Variants in RALGAPA2 observed in about 807,000 individuals in gnomAD.
RALGAPA2 encodes the protein ral GTPase-activating protein subunit alpha-2.
A neutral mutation model predicts 230.4 loss-of-function variants in RALGAPA2; 139 were observed. That is an observed-to-expected ratio of 0.60 (90% confidence interval 0.53 to 0.69). The LOEUF (loss-of-function observed/expected upper bound fraction) is 0.69. Among genes scored for constraint, RALGAPA2 ranks in the 30% least tolerant of loss-of-function variants. The probability of loss-of-function intolerance (pLI) is 0.00; values close to 1 mark genes in which losing one functional copy is unlikely to be tolerated. For synonymous variants in RALGAPA2, 847 were observed against 837.8 expected, an observed-to-expected ratio of 1.01 and a Z score of -0.19; for missense variants, 2,163 against 2,276.0, an observed-to-expected ratio of 0.95 and a Z score of 1.01.
Position 20,573,027 on chromosome 20 carries a change from C to CCG in RALGAPA2, c.2748_2749insCG (p.Gly917ArgfsTer27). 1 of 1,610,282 alleles carries CCG rather than the reference C, an allele frequency of 6.2e-7. No individual in the cohort carries two copies. The highest frequency in any genetic ancestry group is 8.5e-7 in the Non-Finnish European group (1 of 1,178,302). On this transcript the variant is annotated frameshift_variant, in exon 21 of 40. Coordinates refer to ENST00000202677, the MANE Select transcript of RALGAPA2 (RefSeq NM_020343.4). LOFTEE classifies it high-confidence loss of function. ...GGGTGCCAACCAGTGAGGCTCCCCC[C>CCG]GGCGATTATACTACAGTCATCTGTG...
At chr20:20,582,006 T>G (rs1025123011) in intron 20 of RALGAPA2, among the ~76,000 whole-genome samples, 9 of 152,112 alleles carry the variant, frequency 5.9e-5, no homozygotes, top group Admixed American at 2.0e-4. Context: ...GGTCAGCCTT[T>G]CCCGCACTGA....
rs890769313 is a variant in RALGAPA2 at position 20,391,870 on chromosome 20, G to C, written c.*1419C>G. ...TCATAAGCCCTGAGTTAGGGGCTGC[G>C]TCTCTCGTGCTGCTGTCCCTTCCCA... On this transcript the variant is annotated 3_prime_UTR_variant, in exon 40 of 40. Transcript: ENST00000202677. The C allele has an allele frequency of 6.6e-6, 1 of 152,594 alleles. No individual in the cohort carries two copies. The highest frequency in any genetic ancestry group is 2.4e-5 in the African/African-American group (1 of 41,480). The allele number at this position is 152,594 out of a possible 1,614,324, so 9.5% of individuals were successfully genotyped here.
intron 4 of RALGAPA2, among the ~76,000 whole-genome samples, chr20:20,649,650 T>C (rs1228908830): frequency 6.6e-6 from 1 of 152,150 alleles, no homozygotes; most frequent in East Asian, 1.9e-4. Flanking sequence ...TAATACAAAA[T>C]ATATCCTTCT....
At chr20:20,412,450 T>C (rs894575294) in intron 37 of RALGAPA2, among the ~76,000 whole-genome samples, 6 of 152,226 alleles carry the variant, frequency 3.9e-5, no homozygotes, top group Non-Finnish European at 7.3e-5. Flanking sequence ...AAACAGGAGA[T>C]ACTGATTGCA....
chr20:20,681,046 G>A (rs1343889789), intron 1 of RALGAPA2, among the ~76,000 whole-genome samples: 1 of 152,226 alleles, frequency 6.6e-6, no homozygotes, highest in Non-Finnish European at 1.5e-5. Context: ...GGTCGGAGCT[G>A]ACAGGAGCCA....
chr20:20,624,935 C>T (rs2066444794), intron 10 of RALGAPA2, among the ~76,000 whole-genome samples: 2 of 152,114 alleles, frequency 1.3e-5, no homozygotes, highest in Non-Finnish European at 2.9e-5. Flanking sequence ...CCGTCAGTCC[C>T]CATCCCCACC....
chr20:20,407,493 G>A (rs539868375), intron 38 of RALGAPA2, among the ~76,000 whole-genome samples: 23 of 152,310 alleles, frequency 1.5e-4, no homozygotes, highest in African/African-American at 5.3e-4. Context: ...CATATGGCGC[G>A]GAGGCCTTAG....
intron 18 of RALGAPA2, 96 bp downstream of exon 18, chr20:20,589,172 T>C: frequency 1.4e-6 from 2 of 1,399,978 alleles, no homozygotes; most frequent in Non-Finnish European, 1.9e-6. Flanking sequence ...TGGAAAAAAA[T>C]ATTTTAATTA....
intron 26 of RALGAPA2, 139 bp downstream of exon 26, chr20:20,535,606 G>C: frequency 8.0e-7 from 1 of 1,257,198 alleles, no homozygotes; most frequent in East Asian, 2.9e-5. Flanking sequence ...GCATCTTCCT[G>C]GCATCATTCT....
intron 37 of RALGAPA2, among the ~76,000 whole-genome samples, chr20:20,450,631 C>T (rs564759130): frequency 6.6e-6 from 1 of 152,250 alleles, no homozygotes; most frequent in Non-Finnish European, 1.5e-5. Context: ...CAGGCCAAGA[C>T]CCAGCTTCCT....
Position 20,673,979 on chromosome 20 carries a change from G to A in RALGAPA2, c.270+2257C>T, listed in dbSNP as rs529502138. On this transcript the variant is annotated intron_variant, in intron 3 of 39. Transcript: ENST00000202677. ...AAGGCAGGAAGATCACTTGAGCCCT[G>A]GAGTTTGAGACCAGCCTAGACAACA... 2.6e-5 allele frequency among the ~76,000 whole-genome samples: 4 copies of A among 152,154 alleles called. No homozygotes were observed. The East Asian group carries it at 7.7e-4, about 29-fold the overall frequency.
intron 26 of RALGAPA2, among the ~76,000 whole-genome samples, chr20:20,534,666 C>T (rs925732802): frequency 4.6e-5 from 7 of 152,042 alleles, no homozygotes; most frequent in African/African-American, 1.7e-4. Context: ...GGTAGTTTTA[C>T]CATCAAGGTC....
chr20:20,627,369 C>T (rs2066520731), intron 10 of RALGAPA2, among the ~76,000 whole-genome samples: 1 of 152,168 alleles, frequency 6.6e-6, no homozygotes, highest in South Asian at 2.1e-4. Flanking sequence ...AAAAAATCAG[C>T]CCGGCTTTGG....
chr20:20,466,570 T>A (rs6082009), intron 37 of RALGAPA2, among the ~76,000 whole-genome samples: 3,587 of 152,276 alleles, frequency 0.024, 52 homozygotes, highest in African/African-American at 0.033. Flanking sequence ...TGGCTCTGGG[T>A]TGGTCGAGGT....
intron 6 of RALGAPA2, among the ~76,000 whole-genome samples, chr20:20,640,476 C>T (rs2066995093): frequency 6.6e-6 from 1 of 152,184 alleles, no homozygotes; most frequent in Non-Finnish European, 1.5e-5. Flanking sequence ...CCCTCCTATT[C>T]CTGCTTCCAT....
chr20:20,639,808 G>C lies in RALGAPA2; in HGVS notation c.643C>G (p.Leu215Val). The change falls in exon 7 of 40, where the codon CTG (leucine) becomes GTG (valine). Residue 215 changes from leucine (L) to valine (V), a missense_variant. Transcript: ENST00000202677. Reference sequence around the variant, plus strand: ...ACCTGAATAACCATATACTTCAACAGTATTTGAAGAAAAAAGCAGGTTTGG... The same window carrying C: ...ACCTGAATAACCATATACTTCAACACTATTTGAAGAAAAAAGCAGGTTTGG... ...EDQTCFFLQI[L>V]LKYMVIQAAS... is the part of the protein sequence containing the mutation. 1 of 1,609,712 alleles carries C rather than the reference G, an allele frequency of 6.2e-7. No individual in the cohort carries two copies. Among genetic ancestry groups the C allele is most frequent in the Non-Finnish European group, 8.5e-7 (1 of 1,176,034 alleles).
chr20:20,618,250 A>T (rs1440152037), intron 12 of RALGAPA2, among the ~76,000 whole-genome samples: 1 of 152,206 alleles, frequency 6.6e-6, no homozygotes, highest in Non-Finnish European at 1.5e-5. Flanking sequence ...GTTGCTGGAG[A>T]TCCCCTTAGC....
chr20:20,450,791 T>C (rs765250154), intron 37 of RALGAPA2, among the ~76,000 whole-genome samples: 4 of 152,240 alleles, frequency 2.6e-5, no homozygotes, highest in Non-Finnish European at 5.9e-5. Context: ...AAACTGCCTT[T>C]TGGAGCTGAG....
chr20:20,408,546 T>C (rs1200364590), intron 38 of RALGAPA2, among the ~76,000 whole-genome samples: 2 of 152,364 alleles, frequency 1.3e-5, no homozygotes, highest in East Asian at 1.9e-4. Flanking sequence ...TTCCAAATCA[T>C]TAGCATGCAG....
Sources: allele counts gnomAD v4.1 joint callset (sites outside exome capture counted in the v4.1 genomes callset), GRCh38; gene constraint gnomAD v4.1.1; transcripts MANE v1.5; gene names NCBI Gene and HGNC (gene_info 2026-07-23, HGNC 2026-07-21).